MRPL58: variants seen among roughly 807,000 people sequenced by gnomAD.
MRPL58 encodes large ribosomal subunit protein mL62.
In MRPL58, 17 loss-of-function variants were observed where a neutral mutation model predicts 26.0. That is an observed-to-expected ratio of 0.65 (90% CI 0.45 to 0.98). MRPL58 has a LOEUF of 0.98. Ranked by LOEUF, MRPL58 falls within the 50% of genes least tolerant of loss-of-function variation. The probability of loss-of-function intolerance (pLI) is 0.00; values close to 1 mark genes in which losing one functional copy is unlikely to be tolerated. For missense variants in MRPL58, 250 were observed against 269.0 expected (o/e 0.93, Z 0.49); for synonymous variants, 100 against 99.7 (o/e 1.00, Z -0.02).
rs912526557 is a variant in MRPL58 at position 75,015,833 on chromosome 17, G to A, written c.187-1245G>A. 2.6e-5 allele frequency among the ~76,000 whole-genome samples: 4 copies of A among 152,074 alleles called. No homozygotes were observed. The East Asian group carries it at 5.9e-4, about 22-fold the overall frequency. ...CCCAGGCTGGAGTGCAGTGTCCCAG[G>A]CAGGAGTGCAGTGTCCTGATCTCAG... On this transcript the variant is annotated intron_variant, in intron 1 of 5. Coordinates refer to ENST00000301585, the MANE Select transcript of MRPL58 (RefSeq NM_001545.3).
At chr17:75,018,974 A>G (rs2039995145) in intron 2 of MRPL58, among the ~76,000 whole-genome samples, 1 of 151,994 alleles carries the variant, frequency 6.6e-6, no homozygotes, top group African/African-American at 2.4e-5. Flanking sequence ...TGTAGCTTGA[A>G]GCTGTGCCCG....
At position 75,020,473 on chromosome 17, in the gene MRPL58, A is replaced by G; in HGVS notation, c.367-15A>G. The G allele has an allele frequency of 6.2e-7, 1 of 1,613,648 alleles. No individual in the cohort carries two copies. Among genetic ancestry groups the G allele is most frequent in the Non-Finnish European group, 8.5e-7 (1 of 1,179,684 alleles). On this transcript the variant is annotated splice_polypyrimidine_tract_variant and intron_variant, in intron 4 of 5. Transcript: ENST00000301585. ...TTACTCTGTAGGACTCCAGTTTTTC[A>G]TTTGTTCTCTGCAGCATAAAAACAA...
Position 75,021,044 on chromosome 17 carries a change from C to A in MRPL58, c.*39C>A. ...AGCTGGGAGGGCTCTTCTGGGCGTC[C>A]GGGCAGCTGCAGCTGAGAGGACTTT... On this transcript the variant is annotated 3_prime_UTR_variant, in exon 6 of 6. Coordinates refer to ENST00000301585, the MANE Select transcript of MRPL58 (RefSeq NM_001545.3). 7.2e-7 allele frequency: 1 copy of A among 1,388,212 alleles called. No homozygotes were observed. Among genetic ancestry groups the A allele is most frequent in the Non-Finnish European group, 1.0e-6 (1 of 974,068 alleles). The allele number at this position is 1,388,212 out of a possible 1,614,324, so 86.0% of individuals were successfully genotyped here. A position where few individuals can be genotyped will look rare whatever the true frequency, so the allele number is the denominator to read the frequency against.
chr17:75,019,925 T>TCA (rs370640563), intron 3 of MRPL58, among the ~76,000 whole-genome samples, 166 bp downstream of exon 3: 3 of 152,206 alleles, frequency 2.0e-5, no homozygotes, highest in African/African-American at 7.2e-5. Flanking sequence ...GGTCTGATTC[T>TCA]CAGACATTCA....
In MRPL58 at chr17:75,012,867, G is replaced by A; in HGVS notation, c.181G>A (p.Val61Ile). The change falls in exon 1 of 6, where the codon GTC (valine) becomes ATC (isoleucine). Residue 61 changes from valine (V) to isoleucine (I), a missense_variant. Coordinates refer to ENST00000301585, the MANE Select transcript of MRPL58 (RefSeq NM_001545.3). Reference sequence around the variant, plus strand: ...TCAGGGCTCGGACACCGCCTGGAGGGTCCCGGTGAGCCGGGAAGGACTGGA... The same window carrying A: ...TCAGGGCTCGGACACCGCCTGGAGGATCCCGGTGAGCCGGGAAGGACTGGA... ...ESQGSDTAWR[V>I]PNGAKQADSD... 6.2e-7 allele frequency: 1 copy of A among 1,606,402 alleles called. No individual in the cohort carries two copies. Among genetic ancestry groups the A allele is most frequent in the Non-Finnish European group, 8.5e-7 (1 of 1,177,428 alleles).
In MRPL58 at chr17:75,020,173, A is replaced by G. The variant is rs2040004950; in HGVS notation, c.284-140A>G. 1.9e-5 allele frequency: 13 copies of G among 687,170 alleles called. No individual in the cohort carries two copies. In the South Asian group the frequency reaches 2.2e-4, roughly 12 times the overall value. 42.6% of individuals were successfully genotyped at this position (687,170 alleles called of 1,614,324 possible). A position where few individuals can be genotyped will look rare whatever the true frequency, so the allele number is the denominator to read the frequency against. On this transcript the variant is annotated intron_variant, in intron 3 of 5. Coordinates refer to ENST00000301585, the MANE Select transcript of MRPL58 (RefSeq NM_001545.3). ...TCACTGTCTTTGCGGGCTTGTTCAT[A>G]GCCAACTTGGACATAGGCTACAATG...
In MRPL58 at chr17:75,020,482, C is replaced by T. The variant is rs372485913; in HGVS notation, c.367-6C>T. The T allele has an allele frequency of 3.1e-6, 5 of 1,613,878 alleles. No homozygotes were observed. The highest frequency in any genetic ancestry group is 4.2e-6 in the Non-Finnish European group (5 of 1,179,896). ...AGGACTCCAGTTTTTCATTTGTTCT[C>T]TGCAGCATAAAAACAAGATCAACAG... On this transcript the variant is annotated splice_region_variant and splice_polypyrimidine_tract_variant and intron_variant, in intron 4 of 5. Transcript: ENST00000301585.
At chr17:75,016,939 T>C in intron 1 of MRPL58, 139 bp from the exon 2 acceptor site, 1 of 723,304 alleles carries the variant, frequency 1.4e-6, no homozygotes, top group Non-Finnish European at 2.6e-6. Context: ...GTCATCGTGA[T>C]ATCATTTTGC....
chr17:75,012,869 C>G lies in MRPL58; in HGVS notation c.183C>G (p.Val61=). 4 of 1,606,260 alleles carry G rather than the reference C, an allele frequency of 2.5e-6. No individual in the cohort carries two copies. The highest frequency in any genetic ancestry group is 3.4e-6 in the Non-Finnish European group (4 of 1,177,380). Residue 61 remains valine, a synonymous_variant, in exon 1 of 6, where the codon GTC becomes GTG. Coordinates refer to ENST00000301585, the MANE Select transcript of MRPL58 (RefSeq NM_001545.3). The part of the protein sequence containing the change: ...ESQGSDTAWR[V]PNGAKQADSD... ...AGGGCTCGGACACCGCCTGGAGGGT[C>G]CCGGTGAGCCGGGAAGGACTGGACG...
At chr17:75,012,949 C>T in intron 1 of MRPL58, 77 bp downstream of exon 1, 1 of 1,356,244 alleles carries the variant, frequency 7.4e-7, no homozygotes, top group Non-Finnish European at 1.0e-6. Flanking sequence ...GGCCCATTGG[C>T]CGGATGTGGA....
chr17:75,016,042 C>T (rs2039971371), intron 1 of MRPL58, among the ~76,000 whole-genome samples: 1 of 30,090 alleles, frequency 3.3e-5, no homozygotes, highest in Non-Finnish European at 5.9e-5. Context: ...GTCTCGGCCT[C>T]CCAAAGTGCT....
At chr17:75,015,909 C>T (rs915470888) in intron 1 of MRPL58, among the ~76,000 whole-genome samples, 14 of 150,396 alleles carry the variant, frequency 9.3e-5, no homozygotes, top group African/African-American at 3.4e-4. Flanking sequence ...CTCAGCCTCC[C>T]CCAGTAGCTA....
At chr17:75,013,624 G>A (rs561716548) in intron 1 of MRPL58, among the ~76,000 whole-genome samples, 1 of 152,190 alleles carries the variant, frequency 6.6e-6, no homozygotes, top group East Asian at 1.9e-4. Context: ...AGTGCCAGAG[G>A]TAGGAAGTAG....
intron 3 of MRPL58, 123 bp downstream of exon 3, chr17:75,019,882 G>C (rs2040002484): frequency 1.5e-6 from 1 of 669,990 alleles, no homozygotes; most frequent in Admixed American, 3.3e-5. Flanking sequence ...AATACTGCCA[G>C]CTTATAATAA....
rs539132405 is a variant in MRPL58, at chr17:75,014,848, T to C, written c.186+1976T>C. ...TTCATTCATTCAATAAAATGTTTAT[T>C]GTATATCTACTGTGTCTACTACTAC... On this transcript the variant is annotated intron_variant, in intron 1 of 5. Coordinates refer to ENST00000301585, the MANE Select transcript of MRPL58 (RefSeq NM_001545.3). Among the ~76,000 whole-genome samples, 9 of 152,350 alleles carry C rather than the reference T, an allele frequency of 5.9e-5. No individual in the cohort carries two copies. In the South Asian group the frequency reaches 1.7e-3, roughly 28 times the overall value.
intron 1 of MRPL58, among the ~76,000 whole-genome samples, chr17:75,013,080 G>A (rs1184401884): frequency 1.3e-5 from 2 of 152,172 alleles, no homozygotes; most frequent in African/African-American, 2.4e-5. Context: ...AGGCCGGCTG[G>A]GTATGCTTCT....
At chr17:75,013,483 G>A (rs2144880125) in intron 1 of MRPL58, among the ~76,000 whole-genome samples, 1 of 152,338 alleles carries the variant, frequency 6.6e-6, no homozygotes, top group Non-Finnish European at 1.5e-5. Context: ...GGATGGAGTA[G>A]CAAACAAAAT....
At chr17:75,014,356 T>TC (rs996949882) in intron 1 of MRPL58, among the ~76,000 whole-genome samples, 3 of 149,446 alleles carry the variant, frequency 2.0e-5, no homozygotes, top group African/African-American at 7.4e-5. Flanking sequence ...CGGCTAATTT[T>TC]TTTTTTTTTT....
chr17:75,020,716 G>A, intron 5 of MRPL58, 59 bp downstream of exon 5: 1 of 1,541,890 alleles, frequency 6.5e-7, no homozygotes. Context: ...AGTCTACACA[G>A]GTAAGGAAGG....
Sources: allele counts gnomAD v4.1 joint callset (sites outside exome capture counted in the v4.1 genomes callset), GRCh38; gene constraint gnomAD v4.1.1; transcripts MANE v1.5; gene names NCBI Gene and HGNC (gene_info 2026-07-23, HGNC 2026-07-21).